Variants in TMEM255B observed in about 807,000 individuals in gnomAD.
The protein encoded by TMEM255B is family with sequence similarity 70, member B.
In TMEM255B, 35 loss-of-function variants were observed where a neutral mutation model predicts 34.5. That is an observed-to-expected ratio of 1.01 (90% CI 0.77 to 1.34). The LOEUF (loss-of-function observed/expected upper bound fraction) is 1.34. Among genes scored for constraint, TMEM255B ranks in the 40% most tolerant of loss-of-function variants. TMEM255B has a pLI of 0.00. For synonymous variants in TMEM255B, 206 were observed against 201.2 expected (o/e 1.02, Z -0.20); for missense variants, 432 against 433.2 (o/e 1.00, Z 0.02).
chr13:113,788,386 G>C (rs1344460527), intron 3 of TMEM255B, among the ~76,000 whole-genome samples: 6 of 146,722 alleles, frequency 4.1e-5, no homozygotes, highest in Non-Finnish European at 6.0e-5. Flanking sequence ...GAAGGCGGAG[G>C]GGGTGGGGAT....
In TMEM255B at chr13:113,804,911, C is replaced by T. The variant is rs144095512; in HGVS notation, c.696C>T (p.Gly232=). ...DMVPLSQLAY[G]PAVPPQTLYN... is the part of the protein sequence containing the mutation. The stretch of plus-strand genomic sequence containing the variant: ...TGCCTCTGTCCCAGCTGGCCTATGG[C>T]CCAGCCGTCCCACCACAGACCCTCT... Residue 232 remains glycine (G), a synonymous_variant, in exon 8 of 9, where the codon GGC becomes GGT. Coordinates refer to ENST00000375353, the MANE Select transcript of TMEM255B (RefSeq NM_182614.4). 4.3e-4 allele frequency: 693 copies of T among 1,602,422 alleles called. No homozygotes were observed. Among genetic ancestry groups the T allele is most frequent in the Non-Finnish European group, 5.5e-4 (647 of 1,179,262 alleles).
In TMEM255B at chr13:113,804,890, T is replaced by C; in HGVS notation, c.675T>C (p.Pro225=). 3 of 1,598,956 alleles carry C rather than the reference T, an allele frequency of 1.9e-6. No individual in the cohort carries two copies. The highest frequency in any genetic ancestry group is 1.3e-5 in the African/African-American group (1 of 74,928). Residue 225 remains proline, a synonymous_variant, in exon 8 of 9, where the codon CCT becomes CCC. Coordinates refer to ENST00000375353, the MANE Select transcript of TMEM255B (RefSeq NM_182614.4). The stretch of plus-strand genomic sequence containing the variant: ...CCGTCTCCTCTCCATGGCAGGTGCC[T>C]CTGTCCCAGCTGGCCTATGGCCCAG... ...AVLGAFKDMV[P]LSQLAYGPAV... is the part of the protein sequence containing the mutation.
rs1462273989 is a variant in TMEM255B at position 113,808,572 on chromosome 13, TGTTTACTCCGTGGTTCCTGGGA to T, written c.814-3154_814-3133del. Among the ~76,000 whole-genome samples the T allele has an allele frequency of 1.6e-4, 21 of 129,310 alleles. No individual in the cohort carries two copies. The East Asian group carries it at 3.9e-3, about 24-fold the overall frequency. The allele number at this position is 129,310 out of a possible 152,430, so 84.8% of individuals were successfully genotyped here. On this transcript the variant is annotated intron_variant, in intron 8 of 8. Coordinates refer to ENST00000375353, the MANE Select transcript of TMEM255B (RefSeq NM_182614.4). ...GGGGTTTACTCCATGGTTCCTGGGG[TGTTTACTCCGTGGTTCCTGGGA>T]GTTTACTCCATGGTTCCAGGGGTAT...
chr13:113,811,810 C>G lies in TMEM255B; in HGVS notation c.888C>G (p.Ser296Arg). The change falls in exon 9 of 9, where the codon AGC becomes AGG. Residue 296 changes from serine to arginine, a missense_variant. Coordinates refer to ENST00000375353, the MANE Select transcript of TMEM255B (RefSeq NM_182614.4). The part of the protein sequence containing the change: ...SSEDLQPPSP[S>R]SSGSGLPGQA... ...AGGACCTGCAGCCCCCTTCTCCAAG[C>G]AGCTCTGGCTCTGGGCTTCCCGGCC... 1.9e-6 allele frequency: 3 copies of G among 1,613,988 alleles called. No individual in the cohort carries two copies. Among genetic ancestry groups the G allele is most frequent in the Non-Finnish European group, 2.5e-6 (3 of 1,179,908 alleles).
At chr13:113,794,959 C>T (rs1424638053) in intron 3 of TMEM255B, among the ~76,000 whole-genome samples, 189 bp from the exon 4 acceptor site, 5 of 152,244 alleles carry the variant, frequency 3.3e-5, no homozygotes, top group African/African-American at 4.8e-5. Context: ...GCGGAATAGA[C>T]GCGTGAGGAC....
At chr13:113,773,166 A>T (rs1224386794) in intron 3 of TMEM255B, among the ~76,000 whole-genome samples, 1 of 152,186 alleles carries the variant, frequency 6.6e-6, no homozygotes, top group African/African-American at 2.4e-5. Flanking sequence ...AATTAAATTT[A>T]TTCTTAGGTA....
Position 113,795,147 on chromosome 13 carries a change from G to C in TMEM255B, c.253-1G>C. 9.3e-6 allele frequency: 15 copies of C among 1,613,904 alleles called. No homozygotes were observed. The highest frequency in any genetic ancestry group is 1.2e-5 in the Non-Finnish European group (14 of 1,179,950). On this transcript the variant is annotated splice_acceptor_variant, in intron 3 of 8. Coordinates refer to ENST00000375353, the MANE Select transcript of TMEM255B (RefSeq NM_182614.4). LOFTEE classifies it high-confidence loss of function. ...CACCCACACCTCTCCTTCTGTTGCA[G>C]CTGGTGGCAGCGATCGTGTTTATCA...
intron 3 of TMEM255B, among the ~76,000 whole-genome samples, chr13:113,784,822 C>T (rs1304687444): frequency 6.6e-6 from 1 of 152,224 alleles, no homozygotes; most frequent in Non-Finnish European, 1.5e-5. Flanking sequence ...CTGCCACTGC[C>T]CACGGCTTCC....
rs2051092171 is a variant in TMEM255B, at chr13:113,802,887, G to C, written c.669+1075G>C. Reference sequence around the variant, plus strand: ...CACCTCCCAGGGGTCCTTGCTCTGTGGTGACAGCCGGCCGGCCCCTGCGGT... The same window carrying C: ...CACCTCCCAGGGGTCCTTGCTCTGTCGTGACAGCCGGCCGGCCCCTGCGGT... On this transcript the variant is annotated intron_variant, in intron 7 of 8. Coordinates refer to ENST00000375353, the MANE Select transcript of TMEM255B (RefSeq NM_182614.4). 1.4e-5 allele frequency among the ~76,000 whole-genome samples: 2 copies of C among 148,128 alleles called. 1 individual carries two copies. The highest frequency in any genetic ancestry group is 1.3e-4 in the Admixed American group (2 of 14,876).
At chr13:113,796,747 G>A (rs1037177606) in intron 4 of TMEM255B, among the ~76,000 whole-genome samples, 3 of 152,208 alleles carry the variant, frequency 2.0e-5, no homozygotes, top group Non-Finnish European at 4.4e-5. Context: ...GGGAGCAGCC[G>A]AATTGCTTGT....
At chr13:113,782,680 G>GA (rs1364841276) in intron 3 of TMEM255B, among the ~76,000 whole-genome samples, 2 of 151,770 alleles carry the variant, frequency 1.3e-5, no homozygotes, top group South Asian at 2.1e-4. Flanking sequence ...GTCGGAGGGG[G>GA]GGGCTTCATT....
Position 113,793,149 on chromosome 13 carries a change from C to T in TMEM255B, c.253-1999C>T, listed in dbSNP as rs538130453. The stretch of plus-strand genomic sequence containing the variant: ...AGGGGGGATGCGAGGGTAAGGGCTC[C>T]GGTCCAAGGCCACCCCGAGAACCCT... On this transcript the variant is annotated intron_variant, in intron 3 of 8. Coordinates refer to ENST00000375353, the MANE Select transcript of TMEM255B (RefSeq NM_182614.4). 9.8e-5 allele frequency among the ~76,000 whole-genome samples: 15 copies of T among 152,318 alleles called. No individual in the cohort carries two copies. In the East Asian group the frequency reaches 1.7e-3, roughly 18 times the overall value.
intron 3 of TMEM255B, among the ~76,000 whole-genome samples, chr13:113,792,886 C>T (rs959492282): frequency 8.5e-5 from 13 of 152,216 alleles, no homozygotes; most frequent in Non-Finnish European, 1.5e-4. Context: ...AAACGTGAGA[C>T]GCGGGAAGGG....
chr13:113,801,532 C>A, intron 6 of TMEM255B, 121 bp from the exon 7 acceptor site: 2 of 1,200,100 alleles, frequency 1.7e-6, no homozygotes, highest in Non-Finnish European at 2.3e-6. Context: ...TGGGCGTTGA[C>A]TGGGCTCCAG....
chr13:113,793,086 A>G (rs1456541199), intron 3 of TMEM255B, among the ~76,000 whole-genome samples: 1 of 152,254 alleles, frequency 6.6e-6, no homozygotes, highest in East Asian at 1.9e-4. Context: ...GGAAGGACTC[A>G]GCTTGCCAGC....
At chr13:113,778,038 G>C (rs759207411) in intron 3 of TMEM255B, among the ~76,000 whole-genome samples, 2 of 152,230 alleles carry the variant, frequency 1.3e-5, no homozygotes, top group East Asian at 3.9e-4. Flanking sequence ...AGGGCCTGAG[G>C]GGGTGGACAG....
In TMEM255B at chr13:113,765,481, C is replaced by G. The variant is rs545818368; in HGVS notation, c.47-634C>G. ...GGTCTGCTTTCCCTGCACACACGCA[C>G]TTACACATGTGCACACACACAAATG... On this transcript the variant is annotated intron_variant, in intron 1 of 8. Coordinates refer to ENST00000375353, the MANE Select transcript of TMEM255B (RefSeq NM_182614.4). Among the ~76,000 whole-genome samples the G allele has an allele frequency of 2.0e-3, 311 of 152,354 alleles. 1 individual carries two copies. The highest frequency in any genetic ancestry group is 7.1e-3 in the African/African-American group (294 of 41,584).
intron 8 of TMEM255B, among the ~76,000 whole-genome samples, chr13:113,809,722 CG>C (rs1277574710): frequency 6.6e-6 from 1 of 151,850 alleles, no homozygotes; most frequent in Non-Finnish European, 1.5e-5. Context: ...ATGGTTCACT[CG>C]GTGGTTCCTA....
intron 3 of TMEM255B, among the ~76,000 whole-genome samples, chr13:113,776,489 G>C (rs1253439624): frequency 6.6e-6 from 1 of 152,210 alleles, no homozygotes; most frequent in Admixed American, 6.5e-5. Flanking sequence ...GGCTGGAGCC[G>C]GATCCCCACC....
Sources: gnomAD v4.1 joint callset for allele counts (sites outside exome capture counted in the v4.1 genomes callset) on GRCh38, gnomAD v4.1.1 for gene constraint, MANE v1.5 for transcripts, NCBI Gene and HGNC (gene_info 2026-07-23, HGNC 2026-07-21) for gene names.